TASP1: variants seen among roughly 807,000 people sequenced by gnomAD.
TASP1 encodes threonine aspartase 1.
TASP1 carries 16 observed loss-of-function variants against 56.6 expected under a neutral mutation model. That is an observed-to-expected ratio of 0.28 (90% CI 0.19 to 0.43). The LOEUF (loss-of-function observed/expected upper bound fraction) is 0.43, where lower values mean the gene tolerates loss of function less well. Ranked by LOEUF, TASP1 falls within the 20% of genes least tolerant of loss-of-function variation. The pLI is 1.00. For missense variants in TASP1, 393 were observed against 511.6 expected (o/e 0.77, Z 2.24); for synonymous variants, 179 against 184.2 (o/e 0.97, Z 0.23).
At chr20:13,408,200 T>G (rs960013675) in intron 13 of TASP1, among the ~76,000 whole-genome samples, 9 of 152,264 alleles carry the variant, frequency 5.9e-5, no homozygotes, top group African/African-American at 2.2e-4. Context: ...GCTCTTAATA[T>G]TTTGGTTCCT....
Position 13,576,816 on chromosome 20 carries a change from G to A in TASP1, c.488+4081C>T, listed in dbSNP as rs78292164. On this transcript the variant is annotated intron_variant, in intron 6 of 13. Coordinates refer to ENST00000337743, the MANE Select transcript of TASP1 (RefSeq NM_017714.3). ...GAGAAAACCAGCTAGTTCCAGACAAGTGTAGCATTATTATATAATTTTAAT... is the reference window on the plus strand; with the variant it reads ...GAGAAAACCAGCTAGTTCCAGACAAATGTAGCATTATTATATAATTTTAAT... 6.6e-5 allele frequency among the ~76,000 whole-genome samples: 10 copies of A among 152,246 alleles called. No individual in the cohort carries two copies. In the South Asian group the frequency reaches 2.1e-3, roughly 32 times the overall value.
chr20:13,603,022 G>A (rs970160209), intron 4 of TASP1, among the ~76,000 whole-genome samples: 1 of 152,092 alleles, frequency 6.6e-6, no homozygotes, highest in African/African-American at 2.4e-5. Context: ...CCTGAGGTCA[G>A]GAGTTCAAGA....
At chr20:13,460,624 T>G (rs554187627) in intron 11 of TASP1, among the ~76,000 whole-genome samples, 3 of 152,152 alleles carry the variant, frequency 2.0e-5, no homozygotes, top group Non-Finnish European at 4.4e-5. Flanking sequence ...GAGGCTTTCC[T>G]AGATCAGTAA....
chr20:13,363,642 A>C, the TASP1 span, among the ~76,000 whole-genome samples: 1 of 152,346 alleles, frequency 6.6e-6, no homozygotes, highest in African/African-American at 2.4e-5. Context: ...AGTTAGCATC[A>C]GAAGTCAGGG....
the TASP1 span, among the ~76,000 whole-genome samples, chr20:13,138,964 A>T: frequency 3.9e-5 from 6 of 152,298 alleles, no homozygotes; most frequent in South Asian, 1.2e-3. Flanking sequence ...TCAAAAGTGT[A>T]TTTGACTTTT....
At chr20:13,571,005 A>C (rs562903855) in intron 6 of TASP1, among the ~76,000 whole-genome samples, 9 of 152,164 alleles carry the variant, frequency 5.9e-5, no homozygotes, top group Non-Finnish European at 1.0e-4. Flanking sequence ...CAGCACTCCC[A>C]TTGGTCACTT....
At chr20:13,112,609 A>T in the TASP1 span, among the ~76,000 whole-genome samples, 1 of 152,184 alleles carries the variant, frequency 6.6e-6, no homozygotes, top group Admixed American at 6.5e-5. Flanking sequence ...CAACCTGGTG[A>T]TGACACAGAG....
chr20:13,485,608 A>G (rs2043296924), intron 10 of TASP1, among the ~76,000 whole-genome samples: 1 of 152,232 alleles, frequency 6.6e-6, no homozygotes, highest in Admixed American at 6.5e-5. Context: ...AGATCTAGAT[A>G]CATAAGTCAA....
At chr20:13,246,020 C>G in the TASP1 span, among the ~76,000 whole-genome samples, 1 of 152,218 alleles carries the variant, frequency 6.6e-6, no homozygotes, top group Non-Finnish European at 1.5e-5. Flanking sequence ...ATAATCCCAG[C>G]ACTTTGAGAG....
chr20:13,542,356 G>T (rs2045655879), intron 8 of TASP1, among the ~76,000 whole-genome samples: 1 of 152,112 alleles, frequency 6.6e-6, no homozygotes, highest in South Asian at 2.1e-4. Flanking sequence ...AAATTTGTAT[G>T]TATTTTTAAA....
intron 8 of TASP1, among the ~76,000 whole-genome samples, chr20:13,539,380 C>A (rs2045535750): frequency 6.6e-6 from 1 of 151,920 alleles, no homozygotes; most frequent in South Asian, 2.1e-4. Flanking sequence ...GCAGACCCTG[C>A]CTCTACAAAA....
the TASP1 span, among the ~76,000 whole-genome samples, chr20:13,140,213 C>A: frequency 1.3e-5 from 2 of 152,048 alleles, no homozygotes; most frequent in African/African-American, 4.8e-5. Flanking sequence ...TGTGATGAGA[C>A]AGAAAATGGC....
At chr20:13,136,331 T>G in the TASP1 span, among the ~76,000 whole-genome samples, 1 of 152,054 alleles carries the variant, frequency 6.6e-6, no homozygotes, top group African/African-American at 2.4e-5. Flanking sequence ...GTGTGGTGGC[T>G]CACACCTGTA....
At chr20:13,271,200 C>T in the TASP1 span, among the ~76,000 whole-genome samples, 1 of 152,152 alleles carries the variant, frequency 6.6e-6, no homozygotes, top group African/African-American at 2.4e-5. Context: ...TCTCTTAGTG[C>T]CCCTCTAAAC....
chr20:13,425,763 T>C (rs776898781), intron 12 of TASP1, among the ~76,000 whole-genome samples: 1 of 152,126 alleles, frequency 6.6e-6, no homozygotes, highest in Non-Finnish European at 1.5e-5. Flanking sequence ...CTTATCACTG[T>C]AGATTTTTGC....
intron 5 of TASP1, 37 bp downstream of exon 5, chr20:13,587,213 G>A (rs753845099): frequency 1.9e-6 from 3 of 1,579,188 alleles, no homozygotes; most frequent in African/African-American, 2.7e-5. Flanking sequence ...TCACGTGCAT[G>A]ATTTTCCAAA....
intron 11 of TASP1, among the ~76,000 whole-genome samples, chr20:13,467,154 A>G (rs2044289966): frequency 6.7e-6 from 1 of 149,740 alleles, no homozygotes; most frequent in South Asian, 2.1e-4. Context: ...GTTCTTTCAT[A>G]GATATAGAGA....
At chr20:13,258,220 CCCT>C in the TASP1 span, among the ~76,000 whole-genome samples, 24 of 152,236 alleles carry the variant, frequency 1.6e-4, no homozygotes, top group Middle Eastern at 0.014. Flanking sequence ...TCAACAGGCT[CCCT>C]TGCTGTCTAG....
At chr20:13,572,399 C>G (rs772889281) in intron 6 of TASP1, among the ~76,000 whole-genome samples, 5 of 152,144 alleles carry the variant, frequency 3.3e-5, no homozygotes, top group Non-Finnish European at 7.4e-5. Context: ...AATTAAAACT[C>G]TCAGCTGGAC....
Sources: gnomAD v4.1 joint callset for allele counts (sites outside exome capture counted in the v4.1 genomes callset) on GRCh38, gnomAD v4.1.1 for gene constraint, MANE v1.5 for transcripts, NCBI Gene and HGNC (gene_info 2026-07-23, HGNC 2026-07-21) for gene names.